Variants in TAB2 observed in about 807,000 individuals in gnomAD.
TAB2 encodes the protein TGF-beta-activated kinase 1 and MAP3K7-binding protein 2.
Under a neutral mutation model 65.0 loss-of-function variants are expected in TAB2, and 3 were observed. That is an observed-to-expected ratio of 0.05 (90% CI 0.02 to 0.12). TAB2 has a LOEUF of 0.12. Among genes scored for constraint, TAB2 ranks in the 10% least tolerant of loss-of-function variants. TAB2 has a pLI of 1.00. For synonymous variants in TAB2, 298 were observed against 285.1 expected, an observed-to-expected ratio of 1.05 and a Z score of -0.46; for missense variants, 623 against 840.3, an observed-to-expected ratio of 0.74 and a Z score of 3.20.
At chr6:149,247,522 C>G (rs1777747685) in intron 1 of TAB2, 1 of 152,186 alleles carries the variant, frequency 6.6e-6, no homozygotes, top group Non-Finnish European at 1.5e-5. Flanking sequence ...CTCCCACAAC[C>G]CCCAGCGCAT....
chr6:149,279,038 C>T (rs1778526266), intron 1 of TAB2, among the ~76,000 whole-genome samples: 1 of 152,206 alleles, frequency 6.6e-6, no homozygotes, highest in African/African-American at 2.4e-5. Context: ...TAAATTCAAA[C>T]CAAGACAAAG....
At chr6:149,342,998 C>A (rs1272949669) in intron 1 of TAB2, among the ~76,000 whole-genome samples, 1 of 152,038 alleles carries the variant, frequency 6.6e-6, no homozygotes, top group Non-Finnish European at 1.5e-5. Context: ...GTTTAACATA[C>A]CTTTTGCCTG....
At chr6:149,345,992 G>C (rs1780283369) in intron 1 of TAB2, among the ~76,000 whole-genome samples, 1 of 152,134 alleles carries the variant, frequency 6.6e-6, no homozygotes. Flanking sequence ...ATTCCTCCTA[G>C]ATGGCCATTG....
chr6:149,250,195 C>A (rs575729525), intron 1 of TAB2, among the ~76,000 whole-genome samples: 1 of 152,044 alleles, frequency 6.6e-6, no homozygotes, highest in East Asian at 1.9e-4. Context: ...AGGCCCTCAG[C>A]AAATATTTAT....
intron 3 of TAB2, among the ~76,000 whole-genome samples, chr6:149,395,580 C>T (rs540486739): frequency 1.3e-5 from 2 of 152,208 alleles, no homozygotes; most frequent in Non-Finnish European, 2.9e-5. Context: ...GAATACTTCA[C>T]CTCTGATTTT....
intron 1 of TAB2, among the ~76,000 whole-genome samples, chr6:149,223,902 G>T (rs1269914803): frequency 7.0e-6 from 1 of 143,610 alleles, no homozygotes; most frequent in African/African-American, 2.5e-5. Flanking sequence ...TTTAGGAAAA[G>T]AAAAAAAAAA....
chr6:149,290,824 A>G (rs1778763022), intron 1 of TAB2, among the ~76,000 whole-genome samples: 1 of 152,204 alleles, frequency 6.6e-6, no homozygotes, highest in Non-Finnish European at 1.5e-5. Context: ...CAGCCTGGGC[A>G]ACAGGAGTGA....
At chr6:149,361,153 G>A (rs2114834221) in intron 1 of TAB2, among the ~76,000 whole-genome samples, 1 of 152,294 alleles carries the variant, frequency 6.6e-6, no homozygotes, top group Non-Finnish European at 1.5e-5. Flanking sequence ...GTGCCCCCAT[G>A]GAGACTCTGT....
chr6:149,299,806 C>G (rs1439249911), intron 1 of TAB2, among the ~76,000 whole-genome samples: 1 of 151,454 alleles, frequency 6.6e-6, no homozygotes, highest in Non-Finnish European at 1.5e-5. Context: ...ACTAGGAGTT[C>G]GAGACTGGCC....
At chr6:149,325,628 G>A (rs1779576757) in intron 1 of TAB2, among the ~76,000 whole-genome samples, 1 of 152,126 alleles carries the variant, frequency 6.6e-6, no homozygotes, top group Non-Finnish European at 1.5e-5. Context: ...TTTAGGAAAA[G>A]CATTAGAAAA....
chr6:149,246,520 A>T (rs1038047613), intron 1 of TAB2: 1 of 152,228 alleles, frequency 6.6e-6, no homozygotes, highest in African/African-American at 2.4e-5. Context: ...AGCCTTTTAA[A>T]ATAACAGTTG....
At chr6:149,233,756 C>A (rs1326432823) in intron 1 of TAB2, among the ~76,000 whole-genome samples, 1 of 152,182 alleles carries the variant, frequency 6.6e-6, no homozygotes, top group East Asian at 1.9e-4. Flanking sequence ...TCAATTGGTG[C>A]AAAAGTGATT....
At chr6:149,358,892 C>T (rs796348763) in intron 1 of TAB2, among the ~76,000 whole-genome samples, 9 of 152,044 alleles carry the variant, frequency 5.9e-5, no homozygotes, top group African/African-American at 2.2e-4. Context: ...TCACCTTTCT[C>T]TGTAGTCTCA....
At chr6:149,259,409 G>A (rs150253763) in intron 1 of TAB2, among the ~76,000 whole-genome samples, 59 of 151,626 alleles carry the variant, frequency 3.9e-4, no homozygotes, top group Middle Eastern at 3.4e-3. Flanking sequence ...GCAAAGCCTA[G>A]GGAAGCAGTT....
intron 1 of TAB2, chr6:149,244,129 T>C (rs1217736407): frequency 6.6e-6 from 1 of 152,200 alleles, no homozygotes; most frequent in Non-Finnish European, 1.5e-5. Context: ...CACCAACAGG[T>C]GCTATTGTAC....
chr6:149,228,381 T>C (rs143556735), intron 1 of TAB2, among the ~76,000 whole-genome samples: 1,543 of 152,286 alleles, frequency 0.01, 29 homozygotes, highest in African/African-American at 0.035. Flanking sequence ...ATCTGGGGAC[T>C]CTGGGGAGGC....
At chr6:149,314,149 TTTAAAG>T (rs1489830730), upstream of TAB2, among the ~76,000 whole-genome samples, 1 of 152,226 alleles carries the variant, frequency 6.6e-6, no homozygotes, top group Non-Finnish European at 1.5e-5. Flanking sequence ...GGGATTTAAG[TTTAAAG>T]TTAAACACAT....
intron 1 of TAB2, among the ~76,000 whole-genome samples, chr6:149,344,771 T>C (rs935014796): frequency 6.6e-5 from 10 of 152,162 alleles, no homozygotes; most frequent in African/African-American, 1.9e-4. Context: ...TAATGCCTAA[T>C]AAGGGACATT....
chr6:149,377,882 C>A, intron 2 of TAB2, 136 bp from the exon 3 acceptor site: 1 of 719,486 alleles, frequency 1.4e-6, no homozygotes, highest in Non-Finnish European at 2.3e-6. Flanking sequence ...CATAAAAAAA[C>A]TTCTCAAATT....
Sources: gnomAD v4.1 joint callset for allele counts (sites outside exome capture counted in the v4.1 genomes callset) on GRCh38, gnomAD v4.1.1 for gene constraint, MANE v1.5 for transcripts, NCBI Gene and HGNC (gene_info 2026-07-23, HGNC 2026-07-21) for gene names.